CSMD1: variants seen among roughly 807,000 people sequenced by gnomAD.
CSMD1 encodes the protein CUB and sushi domain-containing protein 1.
In CSMD1, 213 loss-of-function variants were observed where a neutral mutation model predicts 417.5. The ratio of observed to expected loss-of-function variants is 0.51; its 90% CI spans 0.46 to 0.57. The LOEUF is 0.57. Among genes scored for constraint, CSMD1 ranks in the 20% least tolerant of loss-of-function variants. The pLI is 0.00. For missense variants in CSMD1, 6,923 were observed against 4,529.7 expected, an observed-to-expected ratio of 1.53 and a Z score of -15.17; for synonymous variants, 2,862 against 1,736.8, an observed-to-expected ratio of 1.65 and a Z score of -16.11.
At chr8:4,889,138 C>T (rs545743879) in intron 1 of CSMD1, among the ~76,000 whole-genome samples, 11 of 152,188 alleles carry the variant, frequency 7.2e-5, no homozygotes, top group Non-Finnish European at 1.5e-4. Flanking sequence ...ACAGTATTTT[C>T]ATTAATCACA....
intron 1 of CSMD1, among the ~76,000 whole-genome samples, chr8:4,793,097 A>G (rs961372407): frequency 2.6e-5 from 4 of 152,026 alleles, no homozygotes; most frequent in African/African-American, 9.7e-5. Context: ...TGTCATATAC[A>G]ATTTTTTCTT....
intron 54 of CSMD1, among the ~76,000 whole-genome samples, chr8:2,991,733 G>T (rs924288114): frequency 6.6e-6 from 1 of 152,218 alleles, no homozygotes; most frequent in South Asian, 2.1e-4. Context: ...GTTCAGAAAA[G>T]AGTATTCCTG....
intron 5 of CSMD1, among the ~76,000 whole-genome samples, chr8:3,804,646 A>G (rs997731639): frequency 1.6e-4 from 25 of 152,210 alleles, no homozygotes; most frequent in African/African-American, 5.8e-4. Flanking sequence ...TGCACACATA[A>G]TTCAAAATAG....
chr8:4,804,225 G>C (rs956345930), intron 1 of CSMD1, among the ~76,000 whole-genome samples: 11 of 152,060 alleles, frequency 7.2e-5, no homozygotes, highest in African/African-American at 2.7e-4. Flanking sequence ...AACTAGATGA[G>C]TTAAAATACA....
intron 3 of CSMD1, among the ~76,000 whole-genome samples, chr8:4,246,370 T>C (rs942945322): frequency 1.3e-5 from 2 of 152,198 alleles, no homozygotes; most frequent in African/African-American, 4.8e-5. Flanking sequence ...AGAAGAGTAG[T>C]TCTTGATAAA....
chr8:3,348,789 G>T (rs1414884412), intron 21 of CSMD1, among the ~76,000 whole-genome samples: 2 of 152,238 alleles, frequency 1.3e-5, no homozygotes, highest in Non-Finnish European at 2.9e-5. Flanking sequence ...ATCTAAATTT[G>T]TATCAAACAA....
intron 3 of CSMD1, among the ~76,000 whole-genome samples, chr8:4,268,751 TA>T (rs369276513): frequency 0.013 from 1,922 of 148,148 alleles, 15 homozygotes; most frequent in Middle Eastern, 0.024. Context: ...ATTAAATTGC[TA>T]AAAAAAAAAC....
intron 26 of CSMD1, among the ~76,000 whole-genome samples, chr8:3,281,516 A>G (rs1312671357): frequency 1.3e-5 from 2 of 152,164 alleles, no homozygotes; most frequent in Admixed American, 1.3e-4. Flanking sequence ...AAAAGAAATG[A>G]TCCGTACAGC....
At chr8:4,347,638 A>C (rs920903944) in intron 3 of CSMD1, among the ~76,000 whole-genome samples, 6 of 152,210 alleles carry the variant, frequency 3.9e-5, no homozygotes, top group Admixed American at 3.3e-4. Context: ...AAAAGCAATG[A>C]AAGGAGGAGT....
intron 2 of CSMD1, among the ~76,000 whole-genome samples, chr8:4,476,665 T>G (rs1262350656): frequency 2.6e-5 from 4 of 152,174 alleles, no homozygotes; most frequent in African/African-American, 9.6e-5. Flanking sequence ...ATCCCAAGGC[T>G]GTGGACTCCC....
At chr8:4,782,514 C>T (rs1191584634) in intron 1 of CSMD1, among the ~76,000 whole-genome samples, 2 of 152,114 alleles carry the variant, frequency 1.3e-5, no homozygotes, top group African/African-American at 2.4e-5. Context: ...TTTGGTCTAT[C>T]CATAGCAAAA....
At chr8:4,049,174 G>C (rs1057420476) in intron 3 of CSMD1, among the ~76,000 whole-genome samples, 1 of 151,904 alleles carries the variant, frequency 6.6e-6, no homozygotes, top group Admixed American at 6.6e-5. Context: ...TAACATCAAA[G>C]AGTCTATCTT....
At chr8:4,271,837 C>T (rs1053274705) in intron 3 of CSMD1, among the ~76,000 whole-genome samples, 4 of 152,132 alleles carry the variant, frequency 2.6e-5, no homozygotes, top group Non-Finnish European at 5.9e-5. Flanking sequence ...GTCCTGGCAG[C>T]GCTATTTGAA....
chr8:4,900,498 T>G (rs1371495135), intron 1 of CSMD1, among the ~76,000 whole-genome samples: 1 of 152,126 alleles, frequency 6.6e-6, no homozygotes, highest in Admixed American at 6.5e-5. Flanking sequence ...GCCCAGGCTG[T>G]CATCACTTCT....
chr8:4,200,804 A>T (rs1649515136), intron 3 of CSMD1, among the ~76,000 whole-genome samples: 1 of 152,220 alleles, frequency 6.6e-6, no homozygotes, highest in African/African-American at 2.4e-5. Flanking sequence ...GCTTCAGTGA[A>T]CTATTGTTAG....
At chr8:4,307,065 C>T (rs1180537163) in intron 3 of CSMD1, among the ~76,000 whole-genome samples, 1 of 152,082 alleles carries the variant, frequency 6.6e-6, no homozygotes, top group Non-Finnish European at 1.5e-5. Context: ...CTCATCACAA[C>T]CCTGCTCCCA....
intron 21 of CSMD1, among the ~76,000 whole-genome samples, chr8:3,354,875 A>ATATCTATAGATATGTCTATCTATAGATC (rs1462449377): frequency 0.044 from 3,157 of 71,230 alleles, 257 homozygotes; most frequent in East Asian, 0.12. Flanking sequence ...AGATATACAT[A>ATATCTATAGATATGTCTATCTATAGATC]TATCTATAGA....
Position 3,387,667 on chromosome 8 carries a change from G to A in CSMD1, c.2609C>T (p.Ser870Leu), listed in dbSNP as rs565779121. 5 of 1,596,328 alleles carry A rather than the reference G, an allele frequency of 3.1e-6. No homozygotes were observed. Among genetic ancestry groups the A allele is most frequent in the East Asian group, 2.3e-5 (1 of 43,972 alleles). ...LIHYESVTLE[S>L]DSCLDPGIPV... is the part of the protein sequence containing the mutation. ...GATGCCCGGGTCCAGGCAGGAATCC[G>A]ACTCAAGCGTCACACCTGGATGCAC... is the stretch of plus-strand genomic sequence containing the variant. Residue 870 changes from serine (S) to leucine (L), a missense_variant, in exon 18 of 70, where the codon TCG becomes TTG. By Grantham distance (145) the Ser-to-Leu change is moderately radical. Coordinates refer to ENST00000635120, the MANE Select transcript of CSMD1 (RefSeq NM_033225.6).
chr8:3,203,958 A>C (rs1420895607), intron 31 of CSMD1, among the ~76,000 whole-genome samples: 1 of 152,218 alleles, frequency 6.6e-6, no homozygotes, highest in Non-Finnish European at 1.5e-5. Flanking sequence ...TAAGCCTGCC[A>C]GGGACATGGA....
Sources: allele counts gnomAD v4.1 joint callset (sites outside exome capture counted in the v4.1 genomes callset), GRCh38; gene constraint gnomAD v4.1.1; transcripts MANE v1.5; gene names NCBI Gene and HGNC (gene_info 2026-07-23, HGNC 2026-07-21).